Variants in PDZRN4 observed in about 807,000 individuals in gnomAD.
PDZRN4 encodes PDZ domain containing ring finger 4.
In PDZRN4, 70 loss-of-function variants were observed where a neutral mutation model predicts 99.0. The observed-to-expected ratio is 0.71, with a 90% CI of 0.58 to 0.86. The LOEUF is 0.86. PDZRN4 is among the 40% of genes least tolerant of loss of function. The pLI is 0.00. For missense variants in PDZRN4, 1,474 were observed against 1,331.2 expected (o/e 1.11, Z -1.67); for synonymous variants, 551 against 501.6 (o/e 1.10, Z -1.32).
At chr12:41,552,634 T>C (rs750909237) in intron 5 of PDZRN4, 22 bp from the exon 6 acceptor site, 3 of 1,572,246 alleles carry the variant, frequency 1.9e-6, no homozygotes, top group East Asian at 2.2e-5. Context: ...ATAAATGTCA[T>C]CTGTGTGTGT....
chr12:41,301,192 A>G (rs1428034019), intron 3 of PDZRN4, among the ~76,000 whole-genome samples: 1 of 151,950 alleles, frequency 6.6e-6, no homozygotes, highest in East Asian at 1.9e-4. Context: ...GGGATGGGGG[A>G]AGAGGCAGAA....
chr12:41,492,091 T>C (rs920718335), intron 3 of PDZRN4, among the ~76,000 whole-genome samples: 2 of 152,172 alleles, frequency 1.3e-5, no homozygotes, highest in South Asian at 2.1e-4. Context: ...TGTTCTTCAA[T>C]ATGTACAACT....
At chr12:41,212,755 T>C (rs1950896584) in intron 3 of PDZRN4, among the ~76,000 whole-genome samples, 1 of 152,032 alleles carries the variant, frequency 6.6e-6, no homozygotes, top group African/African-American at 2.4e-5. Flanking sequence ...GTGGTTTTTA[T>C]CTGAGAGATC....
In PDZRN4 at chr12:41,573,912, G is replaced by T. The variant is rs371783767; in HGVS notation, c.*22G>T. On this transcript the variant is annotated 3_prime_UTR_variant, in exon 10 of 10. Coordinates refer to ENST00000402685, the MANE Select transcript of PDZRN4 (RefSeq NM_001164595.2). ...ATGACCGAATGAATGGAATGCATGC[G>T]ACTGATTTTAGGAGGATGCTACCAG... is the stretch of plus-strand genomic sequence containing the variant. The T allele has an allele frequency of 5.0e-5, 74 of 1,486,866 alleles. No individual in the cohort carries two copies. The Middle Eastern group carries it at 7.2e-4, about 14-fold the overall frequency. The allele number at this position is 1,486,866 out of a possible 1,614,324, so 92.1% of individuals were successfully genotyped here. A position where few individuals can be genotyped will look rare whatever the true frequency, so the allele number is the denominator to read the frequency against.
intron 3 of PDZRN4, among the ~76,000 whole-genome samples, chr12:41,497,870 C>T (rs1223089834): frequency 1.3e-5 from 2 of 152,064 alleles, no homozygotes; most frequent in South Asian, 2.1e-4. Flanking sequence ...CAGAAACAAA[C>T]TCTACAGGAA....
In PDZRN4 at chr12:41,188,996, C is replaced by T; in HGVS notation, c.541C>T (p.Leu181=). The T allele has an allele frequency of 6.5e-7, 1 of 1,540,650 alleles. No homozygotes were observed. The highest frequency in any genetic ancestry group is 8.7e-7 in the Non-Finnish European group (1 of 1,150,508). Residue 181 remains leucine, a synonymous_variant, in exon 1 of 10, where the codon CTG becomes TTG. Coordinates refer to ENST00000402685, the MANE Select transcript of PDZRN4 (RefSeq NM_001164595.2). ...EKALLAQLWA[L]QGEVQLTARR... ...GGCGCTGCTGGCGCAGCTCTGGGCG[C>T]TGCAGGGCGAGGTGCAGCTCACGGC...
chr12:41,363,717 G>A (rs1951978284), intron 3 of PDZRN4, among the ~76,000 whole-genome samples: 1 of 12,602 alleles, frequency 7.9e-5, no homozygotes, highest in South Asian at 2.2e-3. Context: ...TGTGATAAGG[G>A]TGGAGATGCA....
At chr12:41,339,004 T>TTGAGTTTTC (rs1951795956) in intron 3 of PDZRN4, among the ~76,000 whole-genome samples, 1 of 151,942 alleles carries the variant, frequency 6.6e-6, no homozygotes. Flanking sequence ...ACTACCAAAA[T>TTGAGTTTTC]CATTCTACAG....
At chr12:41,406,801 T>A (rs1186754797) in intron 3 of PDZRN4, among the ~76,000 whole-genome samples, 2 of 134,912 alleles carry the variant, frequency 1.5e-5, no homozygotes, top group African/African-American at 5.7e-5. Flanking sequence ...GAGATTGCAG[T>A]GAGCCAAAAT....
At chr12:41,356,401 T>C (rs1046195131) in intron 3 of PDZRN4, among the ~76,000 whole-genome samples, 1 of 151,914 alleles carries the variant, frequency 6.6e-6, no homozygotes, top group African/African-American at 2.4e-5. Flanking sequence ...AAAATAAAAA[T>C]AACAATGTTG....
rs146756438 is a variant in PDZRN4 at position 41,492,452 on chromosome 12, G to T, written c.844-14004G>T. On this transcript the variant is annotated intron_variant, in intron 3 of 9. Transcript: ENST00000402685. ...AGAGCAGAGAAGATTGGGAGGGGAC[G>T]AGTGTTTACTATTCAAAGTAAAAGC... Among the ~76,000 whole-genome samples the T allele has an allele frequency of 2.0e-3, 301 of 152,264 alleles. 2 individuals carry two copies. The highest frequency in any genetic ancestry group is 3.5e-3 in the Non-Finnish European group (238 of 68,012).
At chr12:41,207,461 G>C (rs1214884930) in intron 3 of PDZRN4, among the ~76,000 whole-genome samples, 3 of 151,482 alleles carry the variant, frequency 2.0e-5, no homozygotes, top group Non-Finnish European at 4.4e-5. Context: ...TATTATTCTA[G>C]GCATATTTAT....
intron 3 of PDZRN4, among the ~76,000 whole-genome samples, chr12:41,282,451 TAGAC>T (rs1339547780): frequency 1.3e-5 from 2 of 152,080 alleles, no homozygotes; most frequent in African/African-American, 2.4e-5. Flanking sequence ...CTGTCAATAT[TAGAC>T]AGATCAATGA....
chr12:41,413,367 A>G (rs1952414385), intron 3 of PDZRN4, among the ~76,000 whole-genome samples: 1 of 152,178 alleles, frequency 6.6e-6, no homozygotes, highest in Non-Finnish European at 1.5e-5. Context: ...GCTGGGAAGG[A>G]CAGGGAGAAA....
At chr12:41,218,575 G>A (rs1950935595) in intron 3 of PDZRN4, among the ~76,000 whole-genome samples, 1 of 152,032 alleles carries the variant, frequency 6.6e-6, no homozygotes, top group African/African-American at 2.4e-5. Context: ...TGTAAAGAGT[G>A]TTCTTTCTAA....
At chr12:41,206,458 C>T (rs2120680385) in intron 3 of PDZRN4, among the ~76,000 whole-genome samples, 1 of 151,234 alleles carries the variant, frequency 6.6e-6, no homozygotes, top group Non-Finnish European at 1.5e-5. Context: ...TGTGTATTGG[C>T]CATTTCAGTC....
At chr12:41,455,964 A>G (rs1423344152) in intron 3 of PDZRN4, among the ~76,000 whole-genome samples, 2 of 152,182 alleles carry the variant, frequency 1.3e-5, no homozygotes, top group Non-Finnish European at 2.9e-5. Flanking sequence ...CCAAGTTGCC[A>G]AATTCTAATG....
At chr12:41,526,685 G>A (rs903494524) in intron 5 of PDZRN4, among the ~76,000 whole-genome samples, 3 of 152,082 alleles carry the variant, frequency 2.0e-5, no homozygotes, top group African/African-American at 7.2e-5. Flanking sequence ...TCAGTTCTTA[G>A]TTTTACAACT....
intron 5 of PDZRN4, among the ~76,000 whole-genome samples, chr12:41,520,871 A>C (rs1938483231): frequency 6.6e-6 from 1 of 152,156 alleles, no homozygotes; most frequent in Non-Finnish European, 1.5e-5. Flanking sequence ...GATTAGGAGA[A>C]TGTGAAGATG....
Sources: gnomAD v4.1 joint callset for allele counts (sites outside exome capture counted in the v4.1 genomes callset) on GRCh38, gnomAD v4.1.1 for gene constraint, MANE v1.5 for transcripts, NCBI Gene and HGNC (gene_info 2026-07-23, HGNC 2026-07-21) for gene names.